Variants in ACAD10 observed in about 807,000 individuals in gnomAD.
ACAD10 encodes acyl-CoA dehydrogenase family member 10.
A neutral mutation model predicts 116.8 loss-of-function variants in ACAD10; 112 were observed. The ratio of observed to expected loss-of-function variants is 0.96; its 90% confidence interval spans 0.82 to 1.12. ACAD10 has a LOEUF of 1.12. ACAD10 is among the 50% of genes most tolerant of loss of function. The pLI, the probability that ACAD10 is intolerant of heterozygous loss-of-function variation, is 0.00. For synonymous variants in ACAD10, 486 were observed against 510.6 expected (o/e 0.95, Z 0.65); for missense variants, 1,259 against 1,350.2 (o/e 0.93, Z 1.06).
At chr12:111,720,660 T>C (rs2135964997) in intron 7 of ACAD10, among the ~76,000 whole-genome samples, 1 of 152,366 alleles carries the variant, frequency 6.6e-6, no homozygotes, top group East Asian at 1.9e-4. Context: ...TCCTTGTTTT[T>C]GCAGCCTATC....
chr12:111,746,680 G>A (rs1889909507), intron 14 of ACAD10, among the ~76,000 whole-genome samples: 1 of 151,460 alleles, frequency 6.6e-6, no homozygotes, highest in South Asian at 2.1e-4. Context: ...GAGCCACCAT[G>A]CCCATCCAAT....
chr12:111,692,972 G>C, intron 2 of ACAD10, 76 bp downstream of exon 2: 3 of 1,524,080 alleles, frequency 2.0e-6, no homozygotes, highest in Non-Finnish European at 2.7e-6. Context: ...GGAAGGCAGA[G>C]GGGAACACTT....
intron 4 of ACAD10, among the ~76,000 whole-genome samples, chr12:111,706,573 C>A (rs986548253): frequency 6.6e-6 from 1 of 151,970 alleles, no homozygotes; most frequent in African/African-American, 2.4e-5. Flanking sequence ...CCTCAGCCTC[C>A]TGAGTAGCTG....
chr12:111,710,090 CTTTTT>C, intron 5 of ACAD10: 2 of 256,076 alleles, frequency 7.8e-6, no homozygotes, highest in Non-Finnish European at 7.7e-6. Flanking sequence ...TTTTTCTATT[CTTTTT>C]TTTTTTTTTT....
At chr12:111,702,118 C>T in intron 2 of ACAD10, 44 bp from the exon 3 acceptor site, 1 of 1,593,918 alleles carries the variant, frequency 6.3e-7, no homozygotes, top group Non-Finnish European at 8.6e-7. Flanking sequence ...TAAACCCCAG[C>T]ATGTATCAAT....
intron 12 of ACAD10, among the ~76,000 whole-genome samples, chr12:111,741,654 C>T (rs1187094475): frequency 6.6e-6 from 1 of 152,100 alleles, no homozygotes; most frequent in Non-Finnish European, 1.5e-5. Context: ...GAGGAAATGG[C>T]TTAGTTTTCT....
chr12:111,749,216 A>G lies in ACAD10; in HGVS notation c.2688A>G (p.Lys896=), dbSNP rs530287766. 2 of 1,614,034 alleles carry G rather than the reference A, an allele frequency of 1.2e-6. No individual in the cohort carries two copies. Among genetic ancestry groups the G allele is most frequent in the East Asian group, 2.2e-5 (1 of 44,872 alleles). Residue 896 remains lysine (K), a synonymous_variant, in exon 18 of 21, where the codon AAA becomes AAG. Transcript: ENST00000313698. ...EVRFEHVRVP[K]ENMVLGPGRG... Reference sequence around the variant, plus strand: ...GATTTGAGCACGTGCGTGTGCCCAAAGAGAACATGGTCCTGGGCCCTGGCC... The same window carrying G: ...GATTTGAGCACGTGCGTGTGCCCAAGGAGAACATGGTCCTGGGCCCTGGCC...
chr12:111,733,341 T>G (rs1435029377), intron 10 of ACAD10, among the ~76,000 whole-genome samples: 1 of 152,056 alleles, frequency 6.6e-6, no homozygotes, highest in Non-Finnish European at 1.5e-5. Flanking sequence ...GCTTAAGCAG[T>G]CCTCCGAAAA....
chr12:111,744,961 T>C lies in ACAD10; in HGVS notation c.2033T>C (p.Val678Ala), dbSNP rs1303427388. Reference protein sequence around the residue: ...HRLKHFMEQRVYPAEPELQSH... With the variant: ...HRLKHFMEQRAYPAEPELQSH... ...CTGAAGCACTTCATGGAGCAACGTG[T>C]GTACCCTGCAGAGCCAGAGCTGCAG... is the stretch of plus-strand genomic sequence containing the variant. Residue 678 changes from valine (V) to alanine (A), a missense_variant, in exon 13 of 21, where the codon GTG (valine) becomes GCG (alanine). By Grantham distance (64) the Val-to-Ala change is moderately conservative (BLOSUM62 0). Coordinates refer to ENST00000313698, the MANE Select transcript of ACAD10 (RefSeq NM_025247.6). The C allele has an allele frequency of 1.2e-6, 2 of 1,614,132 alleles. No individual in the cohort carries two copies. The highest frequency in any genetic ancestry group is 1.7e-5 in the Admixed American group (1 of 60,020).
chr12:111,755,769 C>G lies in ACAD10; in HGVS notation c.3039+24C>G, dbSNP rs2135997678. The G allele has an allele frequency of 1.9e-6, 3 of 1,609,252 alleles. No individual in the cohort carries two copies. In the East Asian group the frequency reaches 6.7e-5, roughly 36 times the overall value. ...AGGTGAGCACAGACCAGACAGTTGGCTTATTTGAACCATCAATACTAGATG... is the reference window on the plus strand; with the variant it reads ...AGGTGAGCACAGACCAGACAGTTGGGTTATTTGAACCATCAATACTAGATG... On this transcript the variant is annotated intron_variant, in intron 20 of 20. Transcript: ENST00000313698.
At chr12:111,739,444 G>A (rs188675694) in intron 12 of ACAD10, among the ~76,000 whole-genome samples, 1 of 152,292 alleles carries the variant, frequency 6.6e-6, no homozygotes, top group Admixed American at 6.5e-5. Context: ...AAAGGAACCT[G>A]TAGATTGAGA....
At chr12:111,699,426 T>C (rs772402708) in intron 2 of ACAD10, among the ~76,000 whole-genome samples, 6 of 152,142 alleles carry the variant, frequency 3.9e-5, no homozygotes, top group Non-Finnish European at 7.3e-5. Flanking sequence ...GTGGTTATCA[T>C]TGTGAAAAGT....
chr12:111,706,145 C>T (rs1009766690), intron 4 of ACAD10, among the ~76,000 whole-genome samples: 1 of 152,204 alleles, frequency 6.6e-6, no homozygotes, highest in Non-Finnish European at 1.5e-5. Context: ...CATTTGATTA[C>T]TGGTTGACAC....
intron 1 of ACAD10, chr12:111,691,059 C>CTTATA (rs1177116294): frequency 6.6e-6 from 1 of 152,060 alleles, no homozygotes; most frequent in Non-Finnish European, 1.5e-5. Context: ...TTATTTCAAG[C>CTTATA]TTATAGAAAA....
chr12:111,714,412 C>G (rs1888782435), intron 6 of ACAD10, among the ~76,000 whole-genome samples: 1 of 152,010 alleles, frequency 6.6e-6, no homozygotes, highest in Admixed American at 6.6e-5. Context: ...TGCCTGTAAT[C>G]CTACCACTTT....
chr12:111,748,198 A>G, intron 16 of ACAD10, 119 bp from the exon 17 acceptor site: 3 of 1,250,902 alleles, frequency 2.4e-6, no homozygotes, highest in Non-Finnish European at 3.4e-6. Context: ...GATTACATGG[A>G]GCCTTAAAGA....
Position 111,750,217 on chromosome 12 carries a change from G to A in ACAD10, c.2817+872G>A, listed in dbSNP as rs2335498. On this transcript the variant is annotated intron_variant, in intron 18 of 20. Coordinates refer to ENST00000313698, the MANE Select transcript of ACAD10 (RefSeq NM_025247.6). ...CACCATTCTCTTGCCTCAGCCTCCCGAGTAGCTGGGACTACAGGCACCCGC... is the reference window on the plus strand; with the variant it reads ...CACCATTCTCTTGCCTCAGCCTCCCAAGTAGCTGGGACTACAGGCACCCGC... Among the ~76,000 whole-genome samples, 620 of 144,244 alleles carry A rather than the reference G, an allele frequency of 4.3e-3. 4 individuals are homozygous for A. The highest frequency in any genetic ancestry group is 0.014 in the African/African-American group (543 of 38,868). 94.6% of individuals were successfully genotyped at this position (144,244 alleles called of 152,430 possible).
intron 1 of ACAD10, among the ~76,000 whole-genome samples, chr12:111,687,733 A>G (rs1321568134): frequency 6.6e-6 from 1 of 152,190 alleles, no homozygotes; most frequent in Non-Finnish European, 1.5e-5. Context: ...TCCCTGTTCT[A>G]CAGAGGAGTA....
intron 7 of ACAD10, among the ~76,000 whole-genome samples, chr12:111,717,724 G>C (rs1335854018): frequency 6.6e-6 from 1 of 151,944 alleles, no homozygotes; most frequent in Non-Finnish European, 1.5e-5. Context: ...TGCCTGGCTA[G>C]TTTTAAAAAT....
Sources: gnomAD v4.1 joint callset for allele counts (sites outside exome capture counted in the v4.1 genomes callset) on GRCh38, gnomAD v4.1.1 for gene constraint, MANE v1.5 for transcripts, NCBI Gene and HGNC (gene_info 2026-07-23, HGNC 2026-07-21) for gene names.